NBEAL1: variants seen among roughly 807,000 people sequenced by gnomAD.
The protein encoded by NBEAL1 is neurobeachin-like protein 1.
NBEAL1 carries 273 observed loss-of-function variants against 351.3 expected under a neutral mutation model. The ratio of observed to expected loss-of-function variants is 0.78; its 90% CI spans 0.70 to 0.86. NBEAL1 has a LOEUF of 0.86. Among genes scored for constraint, NBEAL1 ranks in the 40% least tolerant of loss-of-function variants. The pLI, the probability that NBEAL1 is intolerant of heterozygous loss-of-function variation, is 0.00. For missense variants in NBEAL1, 2,961 were observed against 3,201.3 expected, an observed-to-expected ratio of 0.92 and a Z score of 1.81; for synonymous variants, 1,050 against 1,086.4, an observed-to-expected ratio of 0.97 and a Z score of 0.66.
intron 46 of NBEAL1, chr2:203,190,590 C>T: frequency 3.2e-6 from 2 of 630,776 alleles, no homozygotes; most frequent in Non-Finnish European, 5.2e-6. Flanking sequence ...AAACTGTCCT[C>T]ATGCTGGGAC....
chr2:203,056,629 C>T (rs932805734), intron 5 of NBEAL1, 121 bp downstream of exon 5: 15 of 628,524 alleles, frequency 2.4e-5, no homozygotes, highest in African/African-American at 3.7e-5. Flanking sequence ...TGCAATGGCC[C>T]GATCTTGGCT....
rs549866701 is a variant in NBEAL1 at position 203,015,548 on chromosome 2, C to T, written c.-230+566C>T. Among the ~76,000 whole-genome samples, 4 of 152,162 alleles carry T rather than the reference C, an allele frequency of 2.6e-5. No homozygotes were observed. In the South Asian group the frequency reaches 8.3e-4, roughly 32 times the overall value. On this transcript the variant is annotated intron_variant, in intron 1 of 55. Coordinates refer to ENST00000683969, the MANE Select transcript of NBEAL1 (RefSeq NM_001378026.1). The stretch of plus-strand genomic sequence containing the variant: ...TGATCTGGGCTCACTGCAGCCTCTG[C>T]CTCCCGGGTTCAAGCAATTCTCCTG...
At position 203,130,298 on chromosome 2, in the gene NBEAL1, GTGT is replaced by G. The variant is rs2063044252; in HGVS notation, c.3406-15_3406-13del. ...ATATATGAATGTGGTGGTTTGTTTTGTGTTGTTTAATTTTAAAAGCTCTTTGGA... is the reference window on the plus strand; with the variant it reads ...ATATATGAATGTGGTGGTTTGTTTTGTGTTTAATTTTAAAAGCTCTTTGGA... On this transcript the variant is annotated splice_polypyrimidine_tract_variant and intron_variant, in intron 24 of 55. Coordinates refer to ENST00000683969, the MANE Select transcript of NBEAL1 (RefSeq NM_001378026.1). 1 of 1,517,298 alleles carries G rather than the reference GTGT, an allele frequency of 6.6e-7. No homozygotes were observed. Among genetic ancestry groups the G allele is most frequent in the Admixed American group, 2.3e-5 (1 of 42,812 alleles). The allele number at this position is 1,517,298 out of a possible 1,614,324, so 94.0% of individuals were successfully genotyped here. A position where few individuals can be genotyped will look rare whatever the true frequency, so the allele number is the denominator to read the frequency against.
rs1357983409 is a variant in NBEAL1 at position 203,208,663 on chromosome 2, T to G, written c.7533T>G (p.Ser2511=). The change falls in exon 52 of 56, where the codon TCT becomes TCG. Residue 2511 remains serine, a synonymous_variant. Coordinates refer to ENST00000683969, the MANE Select transcript of NBEAL1 (RefSeq NM_001378026.1). The part of the protein sequence containing the change: ...QQGGVPVGLA[S]KPFQILYGHT... The stretch of plus-strand genomic sequence containing the variant: ...GAGGTGTTCCTGTGGGCTTAGCATC[T>G]AAACCTTTTCAGATTCTTTATGGAC... 6.2e-7 allele frequency: 1 copy of G among 1,612,248 alleles called. No individual in the cohort carries two copies. Among genetic ancestry groups the G allele is most frequent in the African/African-American group, 1.3e-5 (1 of 74,860 alleles).
rs560046993 is a variant in NBEAL1 at position 203,080,026 on chromosome 2, T to G, written c.684+2189T>G. Among the ~76,000 whole-genome samples, 22 of 152,310 alleles carry G rather than the reference T, an allele frequency of 1.4e-4. No homozygotes were observed. In the South Asian group the frequency reaches 4.6e-3, roughly 32 times the overall value. On this transcript the variant is annotated intron_variant, in intron 8 of 55. Transcript: ENST00000683969. ...CAAGTGAACTTCATAAACAGTTGAC[T>G]TTATGTATTTGGGAGATTTCTTTTT...
chr2:203,101,084 G>GT (rs962089082), intron 12 of NBEAL1, among the ~76,000 whole-genome samples: 17 of 152,042 alleles, frequency 1.1e-4, no homozygotes, highest in African/African-American at 4.1e-4. Context: ...GTCAATTTTT[G>GT]TTTTTGTTGC....
intron 2 of NBEAL1, among the ~76,000 whole-genome samples, chr2:203,035,081 C>A (rs2061020485): frequency 6.7e-6 from 1 of 149,242 alleles, no homozygotes; most frequent in South Asian, 2.1e-4. Context: ...GTAACCCTGT[C>A]TCTGAAGAAC....
At chr2:203,096,267 G>A (rs1306481761) in intron 10 of NBEAL1, among the ~76,000 whole-genome samples, 10 of 152,158 alleles carry the variant, frequency 6.6e-5, no homozygotes, top group Admixed American at 3.9e-4. Context: ...TCCAAGGCCT[G>A]TAGTGTATAT....
intron 39 of NBEAL1, among the ~76,000 whole-genome samples, chr2:203,171,080 A>T: frequency 6.6e-6 from 1 of 151,216 alleles, no homozygotes; most frequent in East Asian, 2.0e-4. Context: ...AACATGGTGA[A>T]ACCCCATCTC....
chr2:203,144,768 G>A lies in NBEAL1; in HGVS notation c.5017G>A (p.Val1673Ile). 4 of 1,614,054 alleles carry A rather than the reference G, an allele frequency of 2.5e-6. No individual in the cohort carries two copies. Among genetic ancestry groups the A allele is most frequent in the Non-Finnish European group, 3.4e-6 (4 of 1,180,010 alleles). ...SFLIPLVRTL[V>I]SKIYELLFMN... ...TCTGATTCCCCTTGTTCGTACCCTGGTTTCCAAAATTTATGAGCTTCTCTT... is the reference window on the plus strand; with the variant it reads ...TCTGATTCCCCTTGTTCGTACCCTGATTTCCAAAATTTATGAGCTTCTCTT... The change falls in exon 32 of 56, where the codon GTT becomes ATT. Residue 1673 changes from valine (V) to isoleucine (I), a missense_variant. Transcript: ENST00000683969.
chr2:203,118,440 C>T (rs1455020162), intron 18 of NBEAL1, among the ~76,000 whole-genome samples: 1 of 152,158 alleles, frequency 6.6e-6, no homozygotes, highest in Non-Finnish European at 1.5e-5. Context: ...CCCAAAGATA[C>T]ATGTTTGTTT....
intron 11 of NBEAL1, among the ~76,000 whole-genome samples, chr2:203,097,997 G>A (rs1453502730): frequency 6.6e-6 from 1 of 151,774 alleles, no homozygotes; most frequent in Non-Finnish European, 1.5e-5. Flanking sequence ...GAATATGTAT[G>A]GTCATTGTTA....
At chr2:203,137,250 A>T (rs1029163126) in intron 29 of NBEAL1, among the ~76,000 whole-genome samples, 1 of 152,216 alleles carries the variant, frequency 6.6e-6, no homozygotes, top group African/African-American at 2.4e-5. Context: ...CAAATTCATA[A>T]ACTTTCTTAA....
Position 203,166,243 on chromosome 2 carries a change from G to A in NBEAL1, c.5809G>A (p.Glu1937Lys). Residue 1937 changes from glutamate to lysine, a missense_variant, in exon 37 of 56, where the codon GAA becomes AAA. Transcript: ENST00000683969. Reference protein sequence around the residue: ...TIIDVIPGRLEITTQHIYFYD... With the variant: ...TIIDVIPGRLKITTQHIYFYD... ...AATTGATGTAATTCCTGGCAGATTA[G>A]AAATCACTACTCAACACATTTACTT... is the stretch of plus-strand genomic sequence containing the variant. 1 of 1,611,604 alleles carries A rather than the reference G, an allele frequency of 6.2e-7. No homozygotes were observed. Among genetic ancestry groups the A allele is most frequent in the Non-Finnish European group, 8.5e-7 (1 of 1,179,268 alleles).
chr2:203,199,798 A>C (rs1015742693), intron 49 of NBEAL1, among the ~76,000 whole-genome samples: 5 of 151,930 alleles, frequency 3.3e-5, no homozygotes, highest in East Asian at 3.9e-4. Context: ...GATCCAGATT[A>C]TCTCTTCTTC....
intron 36 of NBEAL1, among the ~76,000 whole-genome samples, chr2:203,165,885 A>G (rs1223487128): frequency 6.6e-6 from 1 of 152,108 alleles, no homozygotes; most frequent in African/African-American, 2.4e-5. Flanking sequence ...TCTATAAAAA[A>G]TATAAAAATT....
intron 31 of NBEAL1, among the ~76,000 whole-genome samples, chr2:203,141,368 T>TTTTA (rs1559399381): frequency 3.4e-5 from 1 of 29,828 alleles, no homozygotes; most frequent in African/African-American, 1.2e-4. Flanking sequence ...TTATTATTAT[T>TTTTA]TTTTTTTTTT....
At chr2:203,140,377 A>G (rs1231364729) in intron 31 of NBEAL1, among the ~76,000 whole-genome samples, 1 of 152,074 alleles carries the variant, frequency 6.6e-6, no homozygotes, top group African/African-American at 2.4e-5. Flanking sequence ...AGAGAAAATA[A>G]CTATTAGCAT....
chr2:203,166,597 A>G (rs551911267), intron 37 of NBEAL1, among the ~76,000 whole-genome samples: 10 of 152,268 alleles, frequency 6.6e-5, no homozygotes, highest in Admixed American at 2.0e-4. Flanking sequence ...CCCAGGCTGG[A>G]GTGCAATGGT....
Sources: allele counts gnomAD v4.1 joint callset (sites outside exome capture counted in the v4.1 genomes callset), GRCh38; gene constraint gnomAD v4.1.1; transcripts MANE v1.5; gene names NCBI Gene and HGNC (gene_info 2026-07-23, HGNC 2026-07-21).